Variants in MACROD2 observed in about 807,000 individuals in gnomAD.
The protein encoded by MACROD2 is ADP-ribose glycohydrolase MACROD2.
In MACROD2, 36 loss-of-function variants were observed where a neutral mutation model predicts 70.4. The observed-to-expected ratio is 0.51, with a 90% CI of 0.39 to 0.68. The LOEUF (loss-of-function observed/expected upper bound fraction) is 0.68. Ranked by LOEUF, MACROD2 falls within the 30% of genes least tolerant of loss-of-function variation. MACROD2 has a pLI of 0.00. For missense variants in MACROD2, 496 were observed against 538.4 expected, an observed-to-expected ratio of 0.92 and a Z score of 0.78; for synonymous variants, 172 against 178.8, an observed-to-expected ratio of 0.96 and a Z score of 0.30.
chr20:14,038,717 A>C (rs6074676), intron 2 of MACROD2, among the ~76,000 whole-genome samples: 17,195 of 152,246 alleles, frequency 0.11, 1,148 homozygotes, highest in Admixed American at 0.18. Context: ...CAAGTATTAG[A>C]AAAGGTAAAG....
At chr20:15,420,667 A>G (rs77437295) in intron 6 of MACROD2, among the ~76,000 whole-genome samples, 6,388 of 152,306 alleles carry the variant, frequency 0.042, 178 homozygotes, top group Middle Eastern at 0.078. Context: ...AAACTTTAAG[A>G]GGAGCAATTT....
intron 5 of MACROD2, among the ~76,000 whole-genome samples, chr20:15,143,740 CTAAT>C (rs2076209315): frequency 6.8e-6 from 1 of 146,476 alleles, no homozygotes; most frequent in South Asian, 2.2e-4. Flanking sequence ...GTAGTTTTTT[CTAAT>C]TATTTATATC....
At chr20:14,968,705 T>C (rs2074661542) in intron 5 of MACROD2, among the ~76,000 whole-genome samples, 1 of 152,090 alleles carries the variant, frequency 6.6e-6, no homozygotes, top group Admixed American at 6.5e-5. Flanking sequence ...TTTGCAATAC[T>C]GGAAAGTTTT....
At chr20:15,640,279 A>G (rs2049439156) in intron 8 of MACROD2, among the ~76,000 whole-genome samples, 1 of 151,874 alleles carries the variant, frequency 6.6e-6, no homozygotes, top group Non-Finnish European at 1.5e-5. Flanking sequence ...AGTGAGGGGG[A>G]AATAAAGGAA....
chr20:15,576,715 T>G (rs2048453368), intron 8 of MACROD2, among the ~76,000 whole-genome samples: 1 of 152,172 alleles, frequency 6.6e-6, no homozygotes, highest in African/African-American at 2.4e-5. Context: ...AGCTGGCAGA[T>G]GGGCTCTGAA....
At chr20:15,863,429 GC>G (rs2064452244) in intron 9 of MACROD2, among the ~76,000 whole-genome samples, 1 of 152,126 alleles carries the variant, frequency 6.6e-6, no homozygotes, top group Non-Finnish European at 1.5e-5. Flanking sequence ...GATTGAATGT[GC>G]CGTTAGTTGG....
chr20:14,450,117 G>A (rs998832370), intron 3 of MACROD2, among the ~76,000 whole-genome samples: 2 of 151,978 alleles, frequency 1.3e-5, no homozygotes, highest in Non-Finnish European at 2.9e-5. Context: ...ATATCTAATA[G>A]GTGCTAATTA....
rs556375639 is a variant in MACROD2, at chr20:14,509,398, G to A, written c.301+15890G>A. On this transcript the variant is annotated intron_variant, in intron 4 of 17. Coordinates refer to ENST00000684519, the MANE Select transcript of MACROD2 (RefSeq NM_001351661.2). ...CATATTGGATATTTTCTAGTGCCTA[G>A]ATATACAAAGATGAATAAAATGAGC... Among the ~76,000 whole-genome samples, 5 of 152,116 alleles carry A rather than the reference G, an allele frequency of 3.3e-5. No homozygotes were observed. In the East Asian group the frequency reaches 9.7e-4, roughly 29 times the overall value.
At chr20:15,019,157 A>G (rs1482918949) in intron 5 of MACROD2, among the ~76,000 whole-genome samples, 1 of 152,010 alleles carries the variant, frequency 6.6e-6, no homozygotes, top group East Asian at 1.9e-4. Flanking sequence ...CTCTGAACAC[A>G]CACACACGCG....
At position 15,045,732 on chromosome 20, in the gene MACROD2, T is replaced by G. The variant is rs543948404; in HGVS notation, c.419-184208T>G. Among the ~76,000 whole-genome samples, 29 of 146,892 alleles carry G rather than the reference T, an allele frequency of 2.0e-4. 1 individual carries two copies. The South Asian group carries it at 5.7e-3, about 29-fold the overall frequency. ...CTCCAGACCAGGGTTTTTTTTTTTT[T>G]TTTTTTTTTTTTCCCTTTCTGATAA... On this transcript the variant is annotated intron_variant, in intron 5 of 17. Transcript: ENST00000684519.
chr20:14,526,006 G>A (rs2085226436), intron 4 of MACROD2, among the ~76,000 whole-genome samples: 1 of 152,154 alleles, frequency 6.6e-6, no homozygotes, highest in Non-Finnish European at 1.5e-5. Context: ...GCAGGGCAAT[G>A]AGTAAGGCCG....
At chr20:15,291,777 C>T (rs2077543202) in intron 6 of MACROD2, among the ~76,000 whole-genome samples, 1 of 152,106 alleles carries the variant, frequency 6.6e-6, no homozygotes, top group Non-Finnish European at 1.5e-5. Context: ...AGTTCCTAAT[C>T]TCATGTGTTT....
intron 5 of MACROD2, among the ~76,000 whole-genome samples, chr20:15,213,286 AT>A: frequency 6.6e-6 from 1 of 152,004 alleles, no homozygotes; most frequent in Non-Finnish European, 1.5e-5. Flanking sequence ...CTTGTCTTCA[AT>A]TTGTTATCCC....
intron 5 of MACROD2, among the ~76,000 whole-genome samples, chr20:15,133,778 C>T (rs1477769085): frequency 2.6e-5 from 4 of 151,628 alleles, no homozygotes; most frequent in East Asian, 1.9e-4. Flanking sequence ...TGGTAGGATT[C>T]GTTAATATGA....
chr20:14,592,018 T>G (rs6110346), intron 4 of MACROD2, among the ~76,000 whole-genome samples: 102,622 of 151,944 alleles, frequency 0.68, 35,399 homozygotes, highest in East Asian at 0.93. Context: ...AAAGAAGATA[T>G]GCTGGATAGA....
At chr20:14,643,709 G>C (rs1985219268) in intron 4 of MACROD2, among the ~76,000 whole-genome samples, 1 of 152,170 alleles carries the variant, frequency 6.6e-6, no homozygotes, top group Admixed American at 6.6e-5. Flanking sequence ...TAGTCATGTG[G>C]TTTAGCTTGT....
chr20:15,392,567 T>TCA (rs2045807719), intron 6 of MACROD2, among the ~76,000 whole-genome samples: 1 of 152,188 alleles, frequency 6.6e-6, no homozygotes, highest in African/African-American at 2.4e-5. Context: ...TAATGCTCCA[T>TCA]CATGCCTCTT....
At chr20:14,642,552 C>T (rs1259855916) in intron 4 of MACROD2, among the ~76,000 whole-genome samples, 2 of 152,066 alleles carry the variant, frequency 1.3e-5, no homozygotes, top group South Asian at 2.1e-4. Flanking sequence ...TATGCAACTC[C>T]TCCTTTCACT....
At chr20:15,118,427 A>G (rs6034108) in intron 5 of MACROD2, among the ~76,000 whole-genome samples, 134,213 of 151,940 alleles carry the variant, frequency 0.88, 59,455 homozygotes, top group East Asian at 1. Flanking sequence ...TCTTGACCTC[A>G]TGATCCGCCC....
Sources: allele counts gnomAD v4.1 joint callset (sites outside exome capture counted in the v4.1 genomes callset), GRCh38; gene constraint gnomAD v4.1.1; transcripts MANE v1.5; gene names NCBI Gene and HGNC (gene_info 2026-07-23, HGNC 2026-07-21).